The following HELLS variants were observed in gnomAD, a reference collection of about 807,000 sequenced individuals.
HELLS encodes the protein lymphoid-specific helicase.
In HELLS, 32 loss-of-function variants were observed where a neutral mutation model predicts 120.0. The ratio of observed to expected loss-of-function variants is 0.27; its 90% CI spans 0.20 to 0.36. The LOEUF is 0.36. Ranked by LOEUF, HELLS falls within the 10% of genes least tolerant of loss-of-function variation. The pLI is 1.00. For synonymous variants in HELLS, 341 were observed against 323.4 expected, an observed-to-expected ratio of 1.05 and a Z score of -0.58; for missense variants, 650 against 993.4, an observed-to-expected ratio of 0.65 and a Z score of 4.65.
chr10:94,590,899 G>A, intron 15 of HELLS, 123 bp downstream of exon 15: 1 of 539,670 alleles, frequency 1.9e-6, no homozygotes, highest in Non-Finnish European at 3.0e-6. Context: ...CATGAAGATT[G>A]TAATCCTTCA....
rs1589737574 is a variant in HELLS, at chr10:94,577,976, T to A, written c.1032+1171T>A. 2.8e-5 allele frequency among the ~76,000 whole-genome samples: 4 copies of A among 143,200 alleles called. No homozygotes were observed. The South Asian group carries it at 8.6e-4, about 31-fold the overall frequency. The allele number at this position is 143,200 out of a possible 152,430, so 93.9% of individuals were successfully genotyped here. ...TACTCGGGAGGCTGAGGCAGGAGAATGGCGTGAACCCGGGAAGCGGAGCTT... is the reference window on the plus strand; with the variant it reads ...TACTCGGGAGGCTGAGGCAGGAGAAAGGCGTGAACCCGGGAAGCGGAGCTT... On this transcript the variant is annotated intron_variant, in intron 10 of 21. Coordinates refer to ENST00000348459, the MANE Select transcript of HELLS (RefSeq NM_018063.5).
At chr10:94,559,421 G>A (rs1472429514) in intron 4 of HELLS, among the ~76,000 whole-genome samples, 1 of 150,964 alleles carries the variant, frequency 6.6e-6, no homozygotes, top group Non-Finnish European at 1.5e-5. Flanking sequence ...CCCTGAGTTC[G>A]ATATTTATTT....
chr10:94,554,644 G>GTTTTTTTTTTTTTT (rs199878580), intron 3 of HELLS, among the ~76,000 whole-genome samples: 7 of 103,114 alleles, frequency 6.8e-5, no homozygotes, highest in African/African-American at 7.7e-5. Flanking sequence ...AAGTAATAGT[G>GTTTTTTTTTTTTTT]TTTTTTTTTT....
exon 10 of HELLS, chr10:94,611,076 A>T (rs182230013): frequency 1.3e-5 from 2 of 152,330 alleles, no homozygotes; most frequent in South Asian, 4.1e-4. Flanking sequence ...GACTGGCACA[A>T]CATGTATTTC....
rs1179443675 is a variant in HELLS at position 94,562,712 on chromosome 10, A to T, written c.355A>T (p.Ser119Cys). 1.2e-5 allele frequency: 19 copies of T among 1,589,762 alleles called. No homozygotes were observed. Among genetic ancestry groups the T allele is most frequent in the Non-Finnish European group, 1.6e-5 (19 of 1,163,630 alleles). Residue 119 changes from serine to cysteine, a missense_variant, in exon 5 of 22, where the codon AGT becomes TGT. Physicochemically the swap from Ser to Cys is moderately radical, Grantham distance 112. Coordinates refer to ENST00000348459, the MANE Select transcript of HELLS (RefSeq NM_018063.5). Reference protein sequence around the residue: ...VKKGKNSIDASEEKPVMRKKR... With the variant: ...VKKGKNSIDACEEKPVMRKKR... Reference sequence around the variant, plus strand: ...GTAGGGTAAAAATTCAATTGATGCAAGTGAAGAGAAGCCAGGTAAATATCC... The same window carrying T: ...GTAGGGTAAAAATTCAATTGATGCATGTGAAGAGAAGCCAGGTAAATATCC...
Position 94,608,489 on chromosome 10 carries a change from T to C in HELLS, c.*1+463T>C, listed in dbSNP as rs139492537. ...TTTAGGACATTTTTAAAATAATATATGAGTGGTTGTCATGCTAAATACTGT... is the reference window on the plus strand; with the variant it reads ...TTTAGGACATTTTTAAAATAATATACGAGTGGTTGTCATGCTAAATACTGT... On this transcript the variant is annotated intron_variant, in intron 9 of 9. Transcript: ENST00000371327. 7.0e-3 allele frequency among the ~76,000 whole-genome samples: 1,065 copies of C among 152,274 alleles called. 12 individuals carry two copies. Among genetic ancestry groups the C allele is most frequent in the African/African-American group, 0.024 (995 of 41,538 alleles).
rs764213137 is a variant in HELLS, at chr10:94,562,678, C to T, written c.334-13C>T. ...CCTTAATAAAATCAATATTCTGAAT[C>T]CTTGTTTTGTAGGGTAAAAATTCAA... On this transcript the variant is annotated splice_polypyrimidine_tract_variant and intron_variant, in intron 4 of 21. Transcript: ENST00000348459. 6.4e-7 allele frequency: 1 copy of T among 1,557,028 alleles called. No individual in the cohort carries two copies. Among genetic ancestry groups the T allele is most frequent in the Non-Finnish European group, 8.8e-7 (1 of 1,138,116 alleles).
chr10:94,605,072 T>TCCCCCCCC (rs3054948), downstream of HELLS, among the ~76,000 whole-genome samples: 5 of 66,832 alleles, frequency 7.5e-5, 1 homozygote, highest in African/African-American at 3.8e-4. Context: ...GTCTTGTGTC[T>TCCCCCCCC]CCCCCCCCCC....
Position 94,601,581 on chromosome 10 carries a change from T to C in HELLS, c.2476T>C (p.Leu826=), listed in dbSNP as rs141792389. The stretch of plus-strand genomic sequence containing the variant: ...AGAGAAGATGGGGATATTCAAGATA[T>C]TAGAAAATTCTGAAGATTCCAGTCC... ...IKEKMGIFKI[L]ENSEDSSPEC... is the part of the protein sequence containing the mutation. The change falls in exon 22 of 22, where the codon TTA becomes CTA. Residue 826 remains leucine, a synonymous_variant. Coordinates refer to ENST00000348459, the MANE Select transcript of HELLS (RefSeq NM_018063.5). The C allele has an allele frequency of 1.8e-5, 28 of 1,589,480 alleles. No individual in the cohort carries two copies. Among genetic ancestry groups the C allele is most frequent in the Non-Finnish European group, 2.2e-5 (26 of 1,162,902 alleles).
chr10:94,584,050 G>T (rs1363571350), intron 12 of HELLS: 1 of 1,211,648 alleles, frequency 8.3e-7, no homozygotes, highest in Middle Eastern at 2.1e-4. Context: ...AAGGCAAATT[G>T]CCCTCCAGAA....
chr10:94,596,729 T>G, intron 19 of HELLS, 131 bp from the exon 20 acceptor site: 1 of 553,044 alleles, frequency 1.8e-6, no homozygotes, highest in East Asian at 2.9e-5. Context: ...GAGAGCTTCA[T>G]TTGCTTTTAT....
At chr10:94,612,500 A>G (rs891913558) in exon 10 of HELLS, 1 of 152,190 alleles carries the variant, frequency 6.6e-6, no homozygotes, top group Non-Finnish European at 1.5e-5. Flanking sequence ...GAAGCTATAT[A>G]ATGTCATGAC....
chr10:94,598,158 A>C (rs1845835053), intron 21 of HELLS, among the ~76,000 whole-genome samples: 1 of 152,024 alleles, frequency 6.6e-6, no homozygotes, highest in African/African-American at 2.4e-5. Flanking sequence ...GCTATTGATT[A>C]TTTGTCTGTT....
At chr10:94,611,284 A>G (rs1335559959) in exon 10 of HELLS, 3 of 152,212 alleles carry the variant, frequency 2.0e-5, no homozygotes, top group Non-Finnish European at 4.4e-5. Flanking sequence ...AGTGCACAAA[A>G]GGACATTTAT....
intron 2 of HELLS, among the ~76,000 whole-genome samples, chr10:94,553,552 ATTT>A (rs397844496): frequency 1.6e-5 from 2 of 122,242 alleles, no homozygotes; most frequent in Non-Finnish European, 1.7e-5. Flanking sequence ...CCTGGCCCCA[ATTT>A]TTTTTTTTTT....
In HELLS at chr10:94,568,723, A is replaced by C. The variant is rs537013059; in HGVS notation, c.436-2665A>C. 2.0e-4 allele frequency among the ~76,000 whole-genome samples: 31 copies of C among 152,358 alleles called. 1 individual carries two copies. Among genetic ancestry groups the C allele is most frequent in the African/African-American group, 6.7e-4 (28 of 41,584 alleles). Reference sequence around the variant, plus strand: ...ACAAAATACAAGGAAATCACCTGAAAAGCTGTCACACAGATAATCACTAAC... The same window carrying C: ...ACAAAATACAAGGAAATCACCTGAACAGCTGTCACACAGATAATCACTAAC... On this transcript the variant is annotated intron_variant, in intron 6 of 21. Coordinates refer to ENST00000348459, the MANE Select transcript of HELLS (RefSeq NM_018063.5).
chr10:94,609,040 TGA>T (rs1177654783), intron 9 of HELLS, among the ~76,000 whole-genome samples: 11 of 119,128 alleles, frequency 9.2e-5, no homozygotes, highest in Admixed American at 1.7e-4. Flanking sequence ...TTTTTTTTTT[TGA>T]GATGGAGTTT....
At chr10:94,575,451 C>T (rs970691561) in intron 9 of HELLS, among the ~76,000 whole-genome samples, 6 of 151,100 alleles carry the variant, frequency 4.0e-5, no homozygotes, top group Admixed American at 6.6e-5. Flanking sequence ...ATATTCTAGA[C>T]GTAGTATCAC....
intron 21 of HELLS, 105 bp downstream of exon 21, chr10:94,597,216 T>G: frequency 1.7e-6 from 1 of 603,478 alleles, no homozygotes; most frequent in Non-Finnish European, 2.9e-6. Flanking sequence ...TATCCAATCT[T>G]GTTTTATTGT....
Sources: gnomAD v4.1 joint callset for allele counts (sites outside exome capture counted in the v4.1 genomes callset) on GRCh38, gnomAD v4.1.1 for gene constraint, MANE v1.5 for transcripts, NCBI Gene and HGNC (gene_info 2026-07-23, HGNC 2026-07-21) for gene names.